The following TLE2 variants were observed in gnomAD, a reference collection of about 807,000 sequenced individuals.
TLE2 encodes TLE family member 2, transcriptional corepressor.
In TLE2, 74 loss-of-function variants were observed where a neutral mutation model predicts 97.2. The ratio of observed to expected loss-of-function variants is 0.76; its 90% CI spans 0.63 to 0.92. The LOEUF (loss-of-function observed/expected upper bound fraction) is 0.92. Among genes scored for constraint, TLE2 ranks in the 40% least tolerant of loss-of-function variants. The probability of loss-of-function intolerance (pLI) is 0.00; values close to 1 mark genes in which losing one functional copy is unlikely to be tolerated. For synonymous variants in TLE2, 499 were observed against 432.1 expected, an observed-to-expected ratio of 1.15 and a Z score of -1.92; for missense variants, 1,038 against 1,008.7, an observed-to-expected ratio of 1.03 and a Z score of -0.39.
chr19:3,031,849 C>T (rs987923684), upstream of TLE2, among the ~76,000 whole-genome samples: 1 of 151,072 alleles, frequency 6.6e-6, no homozygotes, highest in African/African-American at 2.4e-5. Context: ...CAGCTTCTGC[C>T]CACCCCGTTA....
chr19:3,014,458 C>G, intron 10 of TLE2, 112 bp downstream of exon 10: 4 of 1,067,842 alleles, frequency 3.7e-6, no homozygotes, highest in Non-Finnish European at 5.1e-6. Flanking sequence ...TCCCAGCTGT[C>G]CCACAGAGCG....
intron 5 of TLE2, chr19:3,020,087 A>T (rs2089805912): frequency 2.9e-6 from 1 of 347,714 alleles, no homozygotes; most frequent in Non-Finnish European, 5.3e-6. Context: ...GTTCGAGACC[A>T]GCCTGGCCAA....
intron 1 of TLE2, among the ~76,000 whole-genome samples, chr19:3,042,485 G>C (rs1465346700): frequency 6.8e-6 from 1 of 147,658 alleles, no homozygotes; most frequent in East Asian, 2.0e-4. Flanking sequence ...GGGCGGGAGC[G>C]GGGACGGGGA....
intron 18 of TLE2, among the ~76,000 whole-genome samples, chr19:3,001,769 C>G (rs2089365573): frequency 6.7e-6 from 1 of 150,318 alleles, no homozygotes; most frequent in South Asian, 2.1e-4. Context: ...GCTACTGTGC[C>G]TGGCTTAAAT....
chr19:3,031,522 G>A (rs1463477768), upstream of TLE2, among the ~76,000 whole-genome samples: 1 of 152,096 alleles, frequency 6.6e-6, no homozygotes, highest in Admixed American at 6.6e-5. Flanking sequence ...TAGAGACAAG[G>A]TCTCACTGTG....
intron 9 of TLE2, among the ~76,000 whole-genome samples, chr19:3,015,324 G>C (rs2089679006): frequency 6.6e-6 from 1 of 152,224 alleles, no homozygotes; most frequent in Non-Finnish European, 1.5e-5. Flanking sequence ...GTCAGGGAAG[G>C]CTTCTTGTAG....
intron 4 of TLE2, among the ~76,000 whole-genome samples, chr19:3,026,209 G>A (rs2089940321): frequency 6.6e-6 from 1 of 152,094 alleles, no homozygotes; most frequent in Admixed American, 6.5e-5. Flanking sequence ...CACTTTGGGA[G>A]GCCGAGGCAG....
chr19:3,021,333 A>G (rs910587922), intron 5 of TLE2, among the ~76,000 whole-genome samples: 1 of 150,896 alleles, frequency 6.6e-6, no homozygotes, highest in Non-Finnish European at 1.5e-5. Context: ...TGAACCCGGG[A>G]GTTAGAGATT....
chr19:3,023,644 C>T (rs1379914212), intron 5 of TLE2, among the ~76,000 whole-genome samples: 1 of 151,976 alleles, frequency 6.6e-6, no homozygotes, highest in Non-Finnish European at 1.5e-5. Context: ...CCTGTAAACC[C>T]AACACTCGGA....
At chr19:3,017,056 A>G in intron 8 of TLE2, among the ~76,000 whole-genome samples, 1 of 112,864 alleles carries the variant, frequency 8.9e-6, no homozygotes, top group African/African-American at 5.4e-5. Flanking sequence ...GGGGTTTTAA[A>G]CACTACAGCC....
chr19:3,014,435 C>T, intron 10 of TLE2, 135 bp downstream of exon 10: 1 of 801,200 alleles, frequency 1.2e-6, no homozygotes. Flanking sequence ...GTCCCTGACG[C>T]TTCCTGACCC....
chr19:3,030,078 CG>C (rs1403569718), upstream of TLE2, among the ~76,000 whole-genome samples: 32 of 152,282 alleles, frequency 2.1e-4, no homozygotes, highest in African/African-American at 7.5e-4. Flanking sequence ...GCTGGGATTA[CG>C]GGCGGGAGCC....
intron 1 of TLE2, among the ~76,000 whole-genome samples, chr19:3,042,337 G>C (rs1353026791): frequency 7.9e-6 from 1 of 125,944 alleles, no homozygotes; most frequent in East Asian, 2.3e-4. Flanking sequence ...CGGAGGTGGC[G>C]GGAGAGGGAG....
chr19:3,021,988 G>A (rs572812016), intron 5 of TLE2, among the ~76,000 whole-genome samples: 12 of 152,164 alleles, frequency 7.9e-5, no homozygotes, highest in African/African-American at 2.4e-4. Flanking sequence ...GGAGGATTAC[G>A]CTAGTCCAGG....
At position 3,021,114 on chromosome 19, in the gene TLE2, A is replaced by AAG. The variant is rs752326503; in HGVS notation, c.295-1342_295-1341insCT. On this transcript the variant is annotated intron_variant, in intron 5 of 19. Transcript: ENST00000262953. Reference sequence around the variant, plus strand: ...AAAAAAAAAAAAAAAAAAAAAAAAAAGGGGGGGGGGTGCTGAGCGTGGTGA... The same window carrying AAG: ...AAAAAAAAAAAAAAAAAAAAAAAAAAAGGGGGGGGGGGTGCTGAGCGTGGTGA... Among the ~76,000 whole-genome samples the AAG allele has an allele frequency of 4.4e-3, 199 of 45,406 alleles. 7 individuals carry two copies. The highest frequency in any genetic ancestry group is 7.8e-3 in the Admixed American group (23 of 2,936). The allele number at this position is 45,406 out of a possible 152,430, so 29.8% of individuals were successfully genotyped here.
intron 4 of TLE2, 71 bp downstream of exon 4, chr19:3,027,758 C>G: frequency 6.5e-7 from 1 of 1,534,266 alleles, no homozygotes; most frequent in Non-Finnish European, 8.9e-7. Context: ...CGGCTGCCCA[C>G]TCTGGGTCCT....
rs747536240 is a variant in TLE2 at position 2,997,810 on chromosome 19, G to A, written c.*38C>T. The A allele has an allele frequency of 6.8e-7, 1 of 1,465,944 alleles. No homozygotes were observed. The highest frequency in any genetic ancestry group is 9.4e-7 in the Non-Finnish European group (1 of 1,061,454). 90.8% of individuals were successfully genotyped at this position (1,465,944 alleles called of 1,614,324 possible). ...TCTGTCCTGGCTGCTGATTCCCCTG[G>A]GAGTCTGGACTTCGGGTACAGGAAG... On this transcript the variant is annotated 3_prime_UTR_variant, in exon 20 of 20. Coordinates refer to ENST00000262953, the MANE Select transcript of TLE2 (RefSeq NM_003260.5).
At chr19:3,018,083 G>A (rs2089753423) in intron 7 of TLE2, among the ~76,000 whole-genome samples, 1 of 151,810 alleles carries the variant, frequency 6.6e-6, no homozygotes, top group Non-Finnish European at 1.5e-5. Flanking sequence ...AAGACACACA[G>A]CCCATTGGGG....
chr19:3,020,971 A>C (rs1049925644), intron 5 of TLE2, among the ~76,000 whole-genome samples: 1 of 151,172 alleles, frequency 6.6e-6, no homozygotes, highest in African/African-American at 2.4e-5. Context: ...TGCCTATAAT[A>C]CCAGCTACTC....
Sources: gnomAD v4.1 joint callset for allele counts (sites outside exome capture counted in the v4.1 genomes callset) on GRCh38, gnomAD v4.1.1 for gene constraint, MANE v1.5 for transcripts, NCBI Gene and HGNC (gene_info 2026-07-23, HGNC 2026-07-21) for gene names.